CSMD1: variants seen among roughly 807,000 people sequenced by gnomAD.
CSMD1 encodes the protein CUB and Sushi multiple domains 1, also known as CUB and sushi domain-containing protein 1.
In CSMD1, 213 loss-of-function variants were observed where a neutral mutation model predicts 417.5. That is an observed-to-expected ratio of 0.51 (90% CI 0.46 to 0.57). The LOEUF is 0.57. Ranked by LOEUF, CSMD1 falls within the 20% of genes least tolerant of loss-of-function variation. The pLI, the probability that CSMD1 is intolerant of heterozygous loss-of-function variation, is 0.00. For synonymous variants in CSMD1, 2,862 were observed against 1,736.8 expected (o/e 1.65, Z -16.11); for missense variants, 6,923 against 4,529.7 (o/e 1.53, Z -15.17).
intron 7 of CSMD1, among the ~76,000 whole-genome samples, chr8:3,682,055 G>C (rs1480187638): frequency 2.0e-5 from 3 of 152,138 alleles, no homozygotes; most frequent in African/African-American, 7.2e-5. Flanking sequence ...ATGGATTAAA[G>C]ACTTAAATGT....
intron 5 of CSMD1, among the ~76,000 whole-genome samples, chr8:3,829,197 A>C (rs571156305): frequency 4.6e-5 from 7 of 152,096 alleles, no homozygotes; most frequent in Admixed American, 6.5e-5. Flanking sequence ...TTTTCCCCCA[A>C]GTCCTCAAAG....
At chr8:3,662,052 G>A (rs777745049) in intron 7 of CSMD1, among the ~76,000 whole-genome samples, 3 of 152,164 alleles carry the variant, frequency 2.0e-5, no homozygotes, top group African/African-American at 7.2e-5. Flanking sequence ...AAACATGAAA[G>A]GCAACTGCTC....
chr8:3,473,444 T>C (rs1028300875), intron 11 of CSMD1, among the ~76,000 whole-genome samples: 3 of 152,328 alleles, frequency 2.0e-5, no homozygotes, highest in African/African-American at 7.2e-5. Flanking sequence ...TTTTAAATTT[T>C]TATGTTATTT....
At chr8:3,493,495 C>G (rs7846697) in intron 11 of CSMD1, 128 bp downstream of exon 11, 34,585 of 653,926 alleles carry the variant, frequency 0.053, 1,106 homozygotes, top group African/African-American at 0.098. Context: ...CAGGCCACTA[C>G]ATTAGCCATA....
At position 4,955,541 on chromosome 8, in the gene CSMD1, C is replaced by A. The variant is rs548718294; in HGVS notation, c.85+38791G>T. ...CATGATCTCGGCACACTGCAACCTC[C>A]GCCTCCTGGGTTCAAGAGACTCTCC... is the stretch of plus-strand genomic sequence containing the variant. On this transcript the variant is annotated intron_variant, in intron 1 of 69. Transcript: ENST00000635120. 1.5e-4 allele frequency among the ~76,000 whole-genome samples: 23 copies of A among 151,930 alleles called. No individual in the cohort carries two copies. The South Asian group carries it at 4.8e-3, about 32-fold the overall frequency.
chr8:3,190,197 G>A, intron 33 of CSMD1, 82 bp from the exon 34 acceptor site: 1 of 1,011,444 alleles, frequency 9.9e-7, no homozygotes, highest in Admixed American at 2.1e-5. Flanking sequence ...TTTAAGATGG[G>A]ACCAAGGAGA....
Position 4,398,039 on chromosome 8 carries a change from G to T in CSMD1, c.415+21914C>A, listed in dbSNP as rs140208175. ...CATACTGGTATCAATTTCTAACTTG[G>T]TATCTCTCTAGAAATATCAAATAGC... On this transcript the variant is annotated intron_variant, in intron 3 of 69. Transcript: ENST00000635120. Among the ~76,000 whole-genome samples the T allele has an allele frequency of 4.6e-5, 7 of 152,232 alleles. No individual in the cohort carries two copies. In the South Asian group the frequency reaches 1.0e-3, roughly 23 times the overall value.
intron 50 of CSMD1, among the ~76,000 whole-genome samples, chr8:3,048,729 A>G (rs944818797): frequency 5.3e-5 from 8 of 152,180 alleles, no homozygotes; most frequent in African/African-American, 1.9e-4. Context: ...AAGAACAGAT[A>G]TGTTGAACTT....
chr8:3,906,458 A>G (rs1808118981), intron 5 of CSMD1, among the ~76,000 whole-genome samples: 1 of 152,194 alleles, frequency 6.6e-6, no homozygotes, highest in Non-Finnish European at 1.5e-5. Context: ...CATGATATGA[A>G]TTCTGAAAAG....
chr8:3,673,220 C>G (rs1208165720), intron 7 of CSMD1, among the ~76,000 whole-genome samples: 4 of 152,102 alleles, frequency 2.6e-5, no homozygotes, highest in African/African-American at 7.2e-5. Context: ...GTGCATGAAC[C>G]ACAATAAACA....
intron 1 of CSMD1, among the ~76,000 whole-genome samples, chr8:4,649,731 A>G (rs1355860231): frequency 6.6e-6 from 1 of 152,252 alleles, no homozygotes; most frequent in African/African-American, 2.4e-5. Flanking sequence ...CGAAGGCTAA[A>G]TTCTGTTTCT....
intron 49 of CSMD1, among the ~76,000 whole-genome samples, chr8:3,055,488 T>G (rs1286284300): frequency 1.3e-5 from 2 of 152,224 alleles, no homozygotes; most frequent in Non-Finnish European, 2.9e-5. Flanking sequence ...AAAATCAGGC[T>G]CATGGGATGA....
At chr8:3,878,688 C>T (rs952942417) in intron 5 of CSMD1, among the ~76,000 whole-genome samples, 2 of 152,126 alleles carry the variant, frequency 1.3e-5, no homozygotes, top group Admixed American at 6.6e-5. Flanking sequence ...GTCTGAGTTG[C>T]TAGTATGTCT....
intron 5 of CSMD1, among the ~76,000 whole-genome samples, chr8:3,986,889 G>A (rs774095717): frequency 6.6e-6 from 1 of 151,944 alleles, no homozygotes; most frequent in African/African-American, 2.4e-5. Flanking sequence ...CAAGTAGCTG[G>A]GATTGCAGGT....
intron 5 of CSMD1, among the ~76,000 whole-genome samples, chr8:3,852,520 G>A (rs1439001872): frequency 6.6e-6 from 1 of 152,174 alleles, no homozygotes; most frequent in Non-Finnish European, 1.5e-5. Flanking sequence ...ATAAATTCCA[G>A]AAAACATAGT....
chr8:4,138,573 G>A (rs949488576), intron 3 of CSMD1, among the ~76,000 whole-genome samples: 10 of 152,018 alleles, frequency 6.6e-5, no homozygotes, highest in African/African-American at 1.9e-4. Context: ...CCCTGGATCA[G>A]ATCCTAGATT....
At chr8:3,442,366 A>T (rs1815039140) in intron 12 of CSMD1, among the ~76,000 whole-genome samples, 2 of 152,146 alleles carry the variant, frequency 1.3e-5, no homozygotes. Context: ...TCACTCACTC[A>T]CTGACTCACC....
chr8:3,107,796 A>G lies in CSMD1; in HGVS notation c.6757T>C (p.Phe2253Leu), dbSNP rs182371880. The G allele has an allele frequency of 1.5e-4, 243 of 1,568,776 alleles. No homozygotes were observed. In the African/African-American group the frequency reaches 2.9e-3, roughly 19 times the overall value. ...GGFFVLNFHAFQLKKCQPPPA... is the reference protein window; with the variant it reads ...GGFFVLNFHALQLKKCQPPPA... ...GGAGGTTGACATTTCTTGAGCTGAA[A>G]TGCTAAATGATTAATGGAAAGAATA... The change falls in exon 45 of 70, where the codon TTT (phenylalanine) becomes CTT (leucine). Residue 2253 changes from phenylalanine (F) to leucine (L), a missense_variant and splice_region_variant. Transcript: ENST00000635120.
At chr8:4,448,990 G>A (rs541172703) in intron 2 of CSMD1, among the ~76,000 whole-genome samples, 20 of 152,240 alleles carry the variant, frequency 1.3e-4, no homozygotes, top group African/African-American at 4.6e-4. Context: ...ATGGATAGTA[G>A]TCAGTATTAT....
Sources: gnomAD v4.1 joint callset for allele counts (sites outside exome capture counted in the v4.1 genomes callset) on GRCh38, gnomAD v4.1.1 for gene constraint, MANE v1.5 for transcripts, NCBI Gene and HGNC (gene_info 2026-07-23, HGNC 2026-07-21) for gene names.